FRMD4B: variants seen among roughly 807,000 people sequenced by gnomAD.
FRMD4B encodes FERM domain containing 4B, also known as FERM domain-containing protein 4B.
In FRMD4B, 74 loss-of-function variants were observed where a neutral mutation model predicts 141.5. The observed-to-expected ratio is 0.52, with a 90% CI of 0.43 to 0.63. The LOEUF is 0.63. FRMD4B is among the 30% of genes least tolerant of loss of function. The probability of loss-of-function intolerance (pLI) is 0.00; values close to 1 mark genes in which losing one functional copy is unlikely to be tolerated. For missense variants in FRMD4B, 1,366 were observed against 1,253.4 expected (o/e 1.09, Z -1.36); for synonymous variants, 506 against 467.9 (o/e 1.08, Z -1.05).
intron 1 of FRMD4B, among the ~76,000 whole-genome samples, chr3:69,368,170 C>G (rs1386197111): frequency 6.6e-6 from 1 of 152,156 alleles, no homozygotes; most frequent in Non-Finnish European, 1.5e-5. Flanking sequence ...TTAAACCCGA[C>G]AACATCACGA....
intron 1 of FRMD4B, among the ~76,000 whole-genome samples, chr3:69,483,044 G>A (rs920880171): frequency 1.8e-4 from 27 of 152,086 alleles, no homozygotes; most frequent in African/African-American, 7.2e-5. Context: ...TAGGAATATC[G>A]GTCTTCCTTT....
At chr3:69,332,986 G>A (rs1305371881) in intron 1 of FRMD4B, among the ~76,000 whole-genome samples, 3 of 152,046 alleles carry the variant, frequency 2.0e-5, no homozygotes, top group African/African-American at 7.2e-5. Context: ...GCCAGTTCCT[G>A]TATGCAATGC....
rs778567128 is a variant in FRMD4B at position 69,282,730 on chromosome 3, C to T, written c.501+5022G>A. Among the ~76,000 whole-genome samples the T allele has an allele frequency of 4.2e-4, 64 of 152,128 alleles. 1 individual carries two copies. Among genetic ancestry groups the T allele is most frequent in the Middle Eastern group, 6.8e-3 (2 of 294 alleles). On this transcript the variant is annotated intron_variant, in intron 5 of 22. Transcript: ENST00000398540. Reference sequence around the variant, plus strand: ...TTGGCTCACTGCAACCTCTGCCTTCCAGGTTCAAGCGATTCTCCTGCCTCA... The same window carrying T: ...TTGGCTCACTGCAACCTCTGCCTTCTAGGTTCAAGCGATTCTCCTGCCTCA...
chr3:69,409,855 G>A (rs1704724346), intron 2 of FRMD4B, among the ~76,000 whole-genome samples: 1 of 152,178 alleles, frequency 6.6e-6, no homozygotes, highest in Non-Finnish European at 1.5e-5. Flanking sequence ...GCAGAGTAGA[G>A]AGAATTCAGA....
At chr3:69,309,289 C>T (rs1701493346) in intron 3 of FRMD4B, among the ~76,000 whole-genome samples, 1 of 139,422 alleles carries the variant, frequency 7.2e-6, no homozygotes, top group Admixed American at 8.3e-5. Context: ...CATCACCACA[C>T]CTGGCTGATT....
In FRMD4B at chr3:69,524,411, T is replaced by C. The variant is rs189196550; in HGVS notation, c.-129+17795A>G. On this transcript the variant is annotated intron_variant, in intron 1 of 5. Coordinates refer to the FRMD4B transcript ENST00000459638. Reference sequence around the variant, plus strand: ...TCTTCCTGACTCCAATCTCCAGTGATCTTTCAGTTAACTCCAAATTAACTA... The same window carrying C: ...TCTTCCTGACTCCAATCTCCAGTGACCTTTCAGTTAACTCCAAATTAACTA... Among the ~76,000 whole-genome samples, 295 of 152,362 alleles carry C rather than the reference T, an allele frequency of 1.9e-3. 1 individual carries two copies. The highest frequency in any genetic ancestry group is 3.5e-3 in the Non-Finnish European group (238 of 68,040).
intron 1 of FRMD4B, among the ~76,000 whole-genome samples, chr3:69,346,240 G>A (rs59563257): frequency 0.28 from 43,138 of 151,758 alleles, 7,458 homozygotes; most frequent in East Asian, 0.6. Flanking sequence ...AGTGATTGAA[G>A]ATTAAATGAA....
chr3:69,263,395 A>ATTT (rs2093540631), intron 5 of FRMD4B, among the ~76,000 whole-genome samples: 2 of 87,128 alleles, frequency 2.3e-5, no homozygotes, highest in African/African-American at 9.0e-5. Context: ...AGTTACATGC[A>ATTT]CTTTTTTTTT....
At chr3:69,487,634 A>G (rs1243084330) in intron 1 of FRMD4B, among the ~76,000 whole-genome samples, 2 of 152,202 alleles carry the variant, frequency 1.3e-5, no homozygotes, top group African/African-American at 4.8e-5. Context: ...GATGTCAAAG[A>G]TCACTCTTCT....
intron 1 of FRMD4B, among the ~76,000 whole-genome samples, chr3:69,339,273 A>G (rs894860041): frequency 2.0e-5 from 3 of 152,102 alleles, no homozygotes; most frequent in Non-Finnish European, 2.9e-5. Flanking sequence ...ACATTTTTGC[A>G]TCCATAAAAT....
chr3:69,207,401 T>C (rs1173123610), intron 11 of FRMD4B, among the ~76,000 whole-genome samples: 4 of 152,190 alleles, frequency 2.6e-5, no homozygotes, highest in Non-Finnish European at 5.9e-5. Flanking sequence ...TATGTACTAA[T>C]TGCTTTTCTC....
chr3:69,515,033 A>G (rs1259460222), intron 1 of FRMD4B, among the ~76,000 whole-genome samples: 1 of 152,238 alleles, frequency 6.6e-6, no homozygotes, highest in Admixed American at 6.5e-5. Context: ...CCAATGGGAT[A>G]GAGTAGAGGT....
At chr3:69,281,568 G>A (rs1304600785) in intron 5 of FRMD4B, among the ~76,000 whole-genome samples, 1 of 152,146 alleles carries the variant, frequency 6.6e-6, no homozygotes, top group South Asian at 2.1e-4. Flanking sequence ...GCTCACGCCT[G>A]TAATCCCAGC....
chr3:69,267,660 GAGAGAGAGAGAGAGAGAGAGAGA>G (rs2093573681), intron 5 of FRMD4B, among the ~76,000 whole-genome samples: 1 of 128,300 alleles, frequency 7.8e-6, no homozygotes, highest in Non-Finnish European at 1.7e-5. Context: ...GAGAGAGAGA[GAGAGAGAGAGAGAGAGAGAGAGA>G]GAGAGAGTGT....
intron 1 of FRMD4B, among the ~76,000 whole-genome samples, chr3:69,380,136 G>A (rs958540232): frequency 1.5e-4 from 23 of 152,190 alleles, no homozygotes; most frequent in African/African-American, 5.3e-4. Context: ...TAGCAAGATT[G>A]TCTCTTCAGA....
intron 1 of FRMD4B, among the ~76,000 whole-genome samples, chr3:69,384,767 T>C (rs1359623301): frequency 6.6e-6 from 1 of 152,190 alleles, no homozygotes; most frequent in Non-Finnish European, 1.5e-5. Flanking sequence ...AGGCTAACCT[T>C]AGGTGCTGGC....
chr3:69,398,367 C>T (rs367590793), intron 2 of FRMD4B, among the ~76,000 whole-genome samples: 14 of 152,198 alleles, frequency 9.2e-5, no homozygotes, highest in African/African-American at 3.1e-4. Flanking sequence ...ATTAGCATAT[C>T]CATCATGTAA....
intron 19 of FRMD4B, among the ~76,000 whole-genome samples, chr3:69,185,011 T>C (rs1382035020): frequency 6.6e-6 from 1 of 152,046 alleles, no homozygotes; most frequent in Non-Finnish European, 1.5e-5. Context: ...AAATTAGAAA[T>C]ATAACAATGT....
intron 1 of FRMD4B, among the ~76,000 whole-genome samples, chr3:69,341,258 A>T (rs1214490495): frequency 1.3e-5 from 2 of 152,006 alleles, no homozygotes. Context: ...TATTCTTTCA[A>T]CTCAAATGCA....
Sources: allele counts gnomAD v4.1 joint callset (sites outside exome capture counted in the v4.1 genomes callset), GRCh38; gene constraint gnomAD v4.1.1; transcripts MANE v1.5; gene names NCBI Gene and HGNC (gene_info 2026-07-23, HGNC 2026-07-21).